Variants in TSHZ2 observed in about 807,000 individuals in gnomAD.
TSHZ2 encodes the protein teashirt zinc finger homeobox 2.
A neutral mutation model predicts 74.4 loss-of-function variants in TSHZ2; 21 were observed. The ratio of observed to expected loss-of-function variants is 0.28; its 90% CI spans 0.20 to 0.41. The LOEUF (loss-of-function observed/expected upper bound fraction) is 0.41. TSHZ2 is among the 10% of genes least tolerant of loss of function. The pLI, the probability that TSHZ2 is intolerant of heterozygous loss-of-function variation, is 1.00. For synonymous variants in TSHZ2, 540 were observed against 515.3 expected, an observed-to-expected ratio of 1.05 and a Z score of -0.65; for missense variants, 1,244 against 1,293.5, an observed-to-expected ratio of 0.96 and a Z score of 0.59.
intron 1 of TSHZ2, among the ~76,000 whole-genome samples, chr20:53,235,117 C>T (rs915868138): frequency 4.3e-5 from 4 of 93,340 alleles, no homozygotes; most frequent in Non-Finnish European, 7.5e-5. Context: ...GGTCTCTGAG[C>T]TTGGTTTTGT....
intron 1 of TSHZ2, among the ~76,000 whole-genome samples, chr20:53,247,958 A>G (rs940953066): frequency 2.0e-5 from 3 of 152,224 alleles, no homozygotes; most frequent in Admixed American, 6.5e-5. Context: ...AAAGTCTGAT[A>G]TGTAACTCCA....
At chr20:53,408,277 G>A (rs919406632) in intron 2 of TSHZ2, among the ~76,000 whole-genome samples, 4 of 152,222 alleles carry the variant, frequency 2.6e-5, no homozygotes, top group South Asian at 2.1e-4. Context: ...TGTCCCCAGC[G>A]TTCGACACAG....
intron 1 of TSHZ2, among the ~76,000 whole-genome samples, chr20:53,243,997 A>G (rs1990137899): frequency 6.6e-6 from 1 of 152,180 alleles, no homozygotes; most frequent in Non-Finnish European, 1.5e-5. Flanking sequence ...TTTCAGAGAA[A>G]GAAGCAGCAT....
chr20:53,443,734 T>G (rs1299520817), intron 2 of TSHZ2, among the ~76,000 whole-genome samples: 1 of 152,176 alleles, frequency 6.6e-6, no homozygotes, highest in Non-Finnish European at 1.5e-5. Context: ...AACAAATCAC[T>G]GAATGCCCTC....
At chr20:52,986,744 A>G (rs569259653) in intron 1 of TSHZ2, among the ~76,000 whole-genome samples, 1 of 152,350 alleles carries the variant, frequency 6.6e-6, no homozygotes, top group South Asian at 2.1e-4. Flanking sequence ...AAAAGAAATA[A>G]TAATCTTAGA....
chr20:53,425,144 A>G (rs754978905), intron 2 of TSHZ2, among the ~76,000 whole-genome samples: 3 of 152,250 alleles, frequency 2.0e-5, no homozygotes, highest in South Asian at 2.1e-4. Context: ...CCACCACACT[A>G]TCTTCCAAAA....
At chr20:53,084,909 G>C (rs770172528) in intron 1 of TSHZ2, among the ~76,000 whole-genome samples, 3 of 151,998 alleles carry the variant, frequency 2.0e-5, no homozygotes, top group Non-Finnish European at 4.4e-5. Context: ...TTTCTGTGTA[G>C]ACATTAATAA....
chr20:53,441,645 C>T (rs888534128), intron 2 of TSHZ2, among the ~76,000 whole-genome samples: 5 of 151,856 alleles, frequency 3.3e-5, no homozygotes, highest in African/African-American at 7.3e-5. Context: ...TGTAGTAGTG[C>T]GATCTCAGCT....
intron 2 of TSHZ2, among the ~76,000 whole-genome samples, chr20:53,442,421 A>G (rs922669650): frequency 6.6e-6 from 1 of 152,010 alleles, no homozygotes; most frequent in African/African-American, 2.4e-5. Flanking sequence ...GCACTGTCTA[A>G]TTTTTCATAG....
intron 2 of TSHZ2, among the ~76,000 whole-genome samples, chr20:53,264,822 G>A (rs545904916): frequency 3.3e-5 from 5 of 152,270 alleles, no homozygotes; most frequent in South Asian, 2.1e-4. Context: ...CATTCCTGTC[G>A]GGGAGATGGG....
At chr20:53,268,516 A>T (rs917691916) in intron 2 of TSHZ2, among the ~76,000 whole-genome samples, 1 of 152,200 alleles carries the variant, frequency 6.6e-6, no homozygotes, top group African/African-American at 2.4e-5. Context: ...ATGGCTAAGC[A>T]TGTGCGGGAT....
intron 2 of TSHZ2, among the ~76,000 whole-genome samples, chr20:53,470,100 CG>C (rs1985752148): frequency 6.6e-6 from 1 of 152,092 alleles, no homozygotes; most frequent in African/African-American, 2.4e-5. Flanking sequence ...CCTCCCTTTC[CG>C]ACAGCAATTA....
chr20:52,993,889 C>G (rs928550014), intron 1 of TSHZ2, among the ~76,000 whole-genome samples: 5 of 152,128 alleles, frequency 3.3e-5, no homozygotes, highest in Non-Finnish European at 7.4e-5. Context: ...CCCTTGCCTT[C>G]CGGAGGAGCA....
rs542193685 is a variant in TSHZ2 at position 53,014,889 on chromosome 20, G to C, written c.40+41556G>C. 3.3e-5 allele frequency among the ~76,000 whole-genome samples: 5 copies of C among 152,244 alleles called. No individual in the cohort carries two copies. The South Asian group carries it at 1.0e-3, about 32-fold the overall frequency. On this transcript the variant is annotated intron_variant, in intron 1 of 2. Coordinates refer to ENST00000371497, the MANE Select transcript of TSHZ2 (RefSeq NM_173485.6). Reference sequence around the variant, plus strand: ...TCTGTTCGTTTGTGTGCAATGAATGGATACATTTTGTAATGTCACCCTGTG... The same window carrying C: ...TCTGTTCGTTTGTGTGCAATGAATGCATACATTTTGTAATGTCACCCTGTG...
At chr20:53,095,645 A>T (rs1247782018) in intron 1 of TSHZ2, among the ~76,000 whole-genome samples, 1 of 152,158 alleles carries the variant, frequency 6.6e-6, no homozygotes, top group African/African-American at 2.4e-5. Flanking sequence ...TTTTCAACCT[A>T]AGCACTCTTG....
intron 1 of TSHZ2, among the ~76,000 whole-genome samples, chr20:53,237,822 T>C (rs1473157067): frequency 6.6e-6 from 1 of 152,182 alleles, no homozygotes; most frequent in Admixed American, 6.6e-5. Flanking sequence ...ATCGTCTCAA[T>C]GAGCATGTGG....
At chr20:53,476,464 T>A (rs1985995914) in intron 2 of TSHZ2, among the ~76,000 whole-genome samples, 1 of 152,110 alleles carries the variant, frequency 6.6e-6, no homozygotes, top group South Asian at 2.1e-4. Context: ...CAACAACACT[T>A]CGTGCTAAAA....
intron 1 of TSHZ2, among the ~76,000 whole-genome samples, chr20:53,108,492 G>T (rs923263080): frequency 2.6e-5 from 4 of 152,184 alleles, no homozygotes; most frequent in African/African-American, 9.7e-5. Flanking sequence ...TCAACACAAA[G>T]GGCAGCACAG....
chr20:53,314,621 G>C (rs1249114565), intron 2 of TSHZ2, among the ~76,000 whole-genome samples: 1 of 142,804 alleles, frequency 7.0e-6, no homozygotes, highest in East Asian at 2.0e-4. Context: ...TGTAGTCCTA[G>C]CTTTTTTTTT....
Sources: allele counts gnomAD v4.1 joint callset (sites outside exome capture counted in the v4.1 genomes callset), GRCh38; gene constraint gnomAD v4.1.1; transcripts MANE v1.5; gene names NCBI Gene and HGNC (gene_info 2026-07-23, HGNC 2026-07-21).